The following ADGRL3 variants were observed in gnomAD, a reference collection of about 807,000 sequenced individuals.
ADGRL3 encodes the protein calcium-independent alpha-latrotoxin receptor 3.
Under a neutral mutation model 153.5 loss-of-function variants are expected in ADGRL3, and 62 were observed. The observed-to-expected ratio is 0.40, with a 90% CI of 0.33 to 0.50. The LOEUF (loss-of-function observed/expected upper bound fraction) is 0.50. ADGRL3 is among the 20% of genes least tolerant of loss of function. The probability of loss-of-function intolerance (pLI) is 0.47; values close to 1 mark genes in which losing one functional copy is unlikely to be tolerated. For synonymous variants in ADGRL3, 710 were observed against 672.5 expected, an observed-to-expected ratio of 1.06 and a Z score of -0.86; for missense variants, 1,641 against 1,859.4, an observed-to-expected ratio of 0.88 and a Z score of 2.16.
At chr4:61,277,880 T>C (rs934840658) in intron 1 of ADGRL3, among the ~76,000 whole-genome samples, 2 of 152,014 alleles carry the variant, frequency 1.3e-5, no homozygotes, top group African/African-American at 4.8e-5. Flanking sequence ...ATATTAGGAG[T>C]GGCCACTTAA....
intron 11 of ADGRL3, among the ~76,000 whole-genome samples, chr4:61,896,083 C>A (rs976149791): frequency 2.0e-5 from 3 of 151,858 alleles, no homozygotes; most frequent in Admixed American, 2.0e-4. Flanking sequence ...TGGTATTGTG[C>A]ACTACAGCTA....
intron 8 of ADGRL3, 41 bp downstream of exon 8, chr4:61,733,595 A>G: frequency 2.2e-6 from 3 of 1,382,396 alleles, no homozygotes; most frequent in Admixed American, 2.0e-5. Context: ...GGAAATATTT[A>G]CTGTTTGTTC....
intron 5 of ADGRL3, among the ~76,000 whole-genome samples, chr4:61,650,658 C>A (rs2094213087): frequency 6.6e-6 from 1 of 151,712 alleles, no homozygotes; most frequent in African/African-American, 2.4e-5. Context: ...TTATGAGATT[C>A]TTTGTCATAA....
chr4:62,045,175 G>A (rs1730457662), intron 25 of ADGRL3, among the ~76,000 whole-genome samples: 1 of 151,614 alleles, frequency 6.6e-6, no homozygotes, highest in Admixed American at 6.6e-5. Flanking sequence ...GTTTGTGGTT[G>A]ACTTTTTTTC....
intron 2 of ADGRL3, among the ~76,000 whole-genome samples, chr4:61,453,685 T>G (rs2097701527): frequency 6.6e-6 from 1 of 152,122 alleles, no homozygotes; most frequent in Admixed American, 6.6e-5. Context: ...CCATGTTCGT[T>G]CCTACCTAGT....
At chr4:61,214,494 T>C (rs1044804729) in intron 1 of ADGRL3, among the ~76,000 whole-genome samples, 2 of 152,216 alleles carry the variant, frequency 1.3e-5, no homozygotes, top group Non-Finnish European at 2.9e-5. Context: ...AAATTATCAG[T>C]CAATGCATTT....
chr4:61,776,415 A>C (rs2097152321), intron 8 of ADGRL3, among the ~76,000 whole-genome samples: 1 of 152,202 alleles, frequency 6.6e-6, no homozygotes, highest in Non-Finnish European at 1.5e-5. Flanking sequence ...AAAAGTTTTA[A>C]ATTTCAGGAC....
At chr4:61,532,708 G>A (rs2098630649) in intron 4 of ADGRL3, among the ~76,000 whole-genome samples, 1 of 150,798 alleles carries the variant, frequency 6.6e-6, no homozygotes, top group Admixed American at 6.6e-5. Flanking sequence ...CTCAAATACA[G>A]AGTAAAACCG....
chr4:61,969,286 T>G (rs1308022573), intron 17 of ADGRL3, among the ~76,000 whole-genome samples: 1 of 151,988 alleles, frequency 6.6e-6, no homozygotes, highest in Non-Finnish European at 1.5e-5. Context: ...AGAGCGTTGA[T>G]TTTTTTGGGG....
At chr4:61,915,531 A>G (rs1473674167) in intron 13 of ADGRL3, among the ~76,000 whole-genome samples, 2 of 152,032 alleles carry the variant, frequency 1.3e-5, no homozygotes, top group African/African-American at 4.8e-5. Flanking sequence ...TTCAAACATG[A>G]ATCTCTGGTG....
At chr4:61,865,577 TATTGAA>T (rs1362320264) in intron 9 of ADGRL3, among the ~76,000 whole-genome samples, 1 of 152,206 alleles carries the variant, frequency 6.6e-6, no homozygotes, top group Non-Finnish European at 1.5e-5. Context: ...ATAATCCAGT[TATTGAA>T]ATTCAGTGTA....
intron 16 of ADGRL3, among the ~76,000 whole-genome samples, chr4:61,947,522 C>T (rs2098930284): frequency 6.6e-6 from 1 of 152,086 alleles, no homozygotes; most frequent in Non-Finnish European, 1.5e-5. Flanking sequence ...CTATGTGAGA[C>T]GATGGATATA....
chr4:62,022,568 T>G (rs551872670), intron 21 of ADGRL3, among the ~76,000 whole-genome samples: 1 of 152,262 alleles, frequency 6.6e-6, no homozygotes, highest in East Asian at 1.9e-4. Context: ...CTTCAAGGCT[T>G]CTAATCCTCA....
At chr4:61,818,690 C>A (rs2097715970) in intron 9 of ADGRL3, among the ~76,000 whole-genome samples, 2 of 152,080 alleles carry the variant, frequency 1.3e-5, no homozygotes, top group African/African-American at 4.8e-5. Flanking sequence ...TTGATATCTA[C>A]CTCAAATTGT....
intron 1 of ADGRL3, among the ~76,000 whole-genome samples, chr4:61,216,919 C>G (rs1264846792): frequency 6.6e-6 from 1 of 152,162 alleles, no homozygotes; most frequent in East Asian, 1.9e-4. Flanking sequence ...GCACCCAATA[C>G]ATTTTATTAT....
chr4:61,844,870 C>T (rs1456167033), intron 9 of ADGRL3, among the ~76,000 whole-genome samples: 1 of 151,898 alleles, frequency 6.6e-6, no homozygotes, highest in Admixed American at 6.6e-5. Flanking sequence ...ATTTATGTCT[C>T]TCTAACACTG....
intron 11 of ADGRL3, among the ~76,000 whole-genome samples, chr4:61,907,737 A>G (rs1395251151): frequency 1.3e-5 from 2 of 152,082 alleles, no homozygotes; most frequent in Admixed American, 1.3e-4. Flanking sequence ...TAATTGCTAT[A>G]TTTTGCAAAA....
At chr4:61,795,758 C>A (rs557203966) in intron 8 of ADGRL3, among the ~76,000 whole-genome samples, 1 of 151,956 alleles carries the variant, frequency 6.6e-6, no homozygotes. Flanking sequence ...TTTTTTATTC[C>A]GCTTCCCCAA....
chr4:61,931,675 A>C (rs1478155133), intron 13 of ADGRL3, among the ~76,000 whole-genome samples: 1 of 152,142 alleles, frequency 6.6e-6, no homozygotes, highest in Non-Finnish European at 1.5e-5. Flanking sequence ...CAGATTAAAT[A>C]AATGTTAAAT....
Sources: gnomAD v4.1 joint callset for allele counts (sites outside exome capture counted in the v4.1 genomes callset) on GRCh38, gnomAD v4.1.1 for gene constraint, MANE v1.5 for transcripts, NCBI Gene and HGNC (gene_info 2026-07-23, HGNC 2026-07-21) for gene names.